Variants in FAM83D observed in about 807,000 individuals in gnomAD.
FAM83D encodes the protein scaffolding CK1 anchoring protein D.
A neutral mutation model predicts 25.4 loss-of-function variants in FAM83D; 26 were observed. That is an observed-to-expected ratio of 1.02 (90% CI 0.75 to 1.42). FAM83D has a LOEUF of 1.42. Among genes scored for constraint, FAM83D ranks in the 40% most tolerant of loss-of-function variants. FAM83D has a pLI of 0.00. For synonymous variants in FAM83D, 310 were observed against 318.5 expected, an observed-to-expected ratio of 0.97 and a Z score of 0.28; for missense variants, 740 against 758.1, an observed-to-expected ratio of 0.98 and a Z score of 0.28.
intron 1 of FAM83D, among the ~76,000 whole-genome samples, chr20:38,938,993 G>A (rs1294491818): frequency 6.6e-6 from 1 of 152,172 alleles, no homozygotes; most frequent in African/African-American, 2.4e-5. Flanking sequence ...CAGGCAATGT[G>A]GGGAAGATTG....
In FAM83D at chr20:38,941,916, G is replaced by A. The variant is rs777732945; in HGVS notation, c.484-43G>A. On this transcript the variant is annotated intron_variant, in intron 1 of 3. Transcript: ENST00000619850. ...TCCAGAGAGCGTGCTGTAAGGTGGT[G>A]TCCTATAAGCTTATCATGTGCTCTT... The A allele has an allele frequency of 2.3e-5, 37 of 1,605,390 alleles. No individual in the cohort carries two copies. The Admixed American group carries it at 2.3e-4, about 10-fold the overall frequency.
intron 1 of FAM83D, among the ~76,000 whole-genome samples, chr20:38,935,261 CT>C (rs1372274174): frequency 1.3e-5 from 2 of 152,170 alleles, no homozygotes; most frequent in African/African-American, 4.8e-5. Context: ...CCCCTACCCC[CT>C]AACTTCTTGG....
rs149393382 is a variant in FAM83D, at chr20:38,926,417, G to C, written c.-26G>C. 232 of 1,596,432 alleles carry C rather than the reference G, an allele frequency of 1.5e-4. 3 individuals carry two copies. The East Asian group carries it at 5.1e-3, about 35-fold the overall frequency. The stretch of plus-strand genomic sequence containing the variant: ...CGGGACTGCACGCCGGTTTTTGTCC[G>C]AGGGCTGTCGAGTCCGAGCGCCGCC... On this transcript the variant is annotated 5_prime_UTR_variant, in exon 1 of 4. Transcript: ENST00000619850.
Position 38,952,442 on chromosome 20 carries a change from T to G in FAM83D, c.1680T>G (p.Leu560=). The G allele has an allele frequency of 6.2e-7, 1 of 1,614,222 alleles. No individual in the cohort carries two copies. Among genetic ancestry groups the G allele is most frequent in the South Asian group, 1.1e-5 (1 of 91,082 alleles). ...SRRTLFTENH[L]GLHSGNFSRV... is the part of the protein sequence containing the mutation. ...GAACACTCTTTACTGAAAACCACCT[T>G]GGCCTTCATTCTGGCAATTTCAGCA... Residue 560 remains leucine, a synonymous_variant, in exon 4 of 4, where the codon CTT becomes CTG. Coordinates refer to ENST00000619850, the MANE Select transcript of FAM83D (RefSeq NM_030919.3).
intron 1 of FAM83D, among the ~76,000 whole-genome samples, chr20:38,941,717 G>T (rs750805509): frequency 4.6e-5 from 7 of 152,160 alleles, no homozygotes; most frequent in Non-Finnish European, 7.3e-5. Flanking sequence ...AAACCTCCCA[G>T]CATGGAGTTG....
chr20:38,940,650 C>A (rs1379182427), intron 1 of FAM83D, among the ~76,000 whole-genome samples: 2 of 152,150 alleles, frequency 1.3e-5, no homozygotes, highest in African/African-American at 4.8e-5. Context: ...TAGTTAACAC[C>A]CCCAACTTCT....
intron 1 of FAM83D, among the ~76,000 whole-genome samples, chr20:38,941,056 A>G (rs2085699877): frequency 6.6e-6 from 1 of 152,202 alleles, no homozygotes; most frequent in Admixed American, 6.5e-5. Flanking sequence ...CTAGGTGTGG[A>G]AAATCACTTG....
chr20:38,939,813 A>G (rs1321768042), intron 1 of FAM83D, among the ~76,000 whole-genome samples: 2 of 152,176 alleles, frequency 1.3e-5, no homozygotes, highest in East Asian at 1.9e-4. Context: ...TGGCTGCATA[A>G]TAGCACCTGT....
chr20:38,952,205 G>C lies in FAM83D; in HGVS notation c.1443G>C (p.Val481=), dbSNP rs1162988147. The C allele has an allele frequency of 4.3e-6, 7 of 1,614,150 alleles. No individual in the cohort carries two copies. The highest frequency in any genetic ancestry group is 5.9e-6 in the Non-Finnish European group (7 of 1,180,034). ...CCAGTTTGAAGTCTTCCTCCTCTGT[G>C]TCTTCCCAAGGCTCTGTGGCAAGCT... The part of the protein sequence containing the change: ...RSSSLKSSSS[V]SSQGSVASST... Residue 481 remains valine, a synonymous_variant, in exon 4 of 4, where the codon GTG becomes GTC. Coordinates refer to ENST00000619850, the MANE Select transcript of FAM83D (RefSeq NM_030919.3).
intron 2 of FAM83D, among the ~76,000 whole-genome samples, chr20:38,947,616 G>A (rs1236587504): frequency 6.6e-6 from 1 of 152,294 alleles, no homozygotes; most frequent in East Asian, 1.9e-4. Flanking sequence ...ATACACGCAT[G>A]AACTAAGGGT....
At chr20:38,933,428 T>C (rs1373159972) in intron 1 of FAM83D, among the ~76,000 whole-genome samples, 1 of 152,158 alleles carries the variant, frequency 6.6e-6, no homozygotes, top group Non-Finnish European at 1.5e-5. Context: ...TTTACCACAA[T>C]AAAAAAATGT....
At chr20:38,937,907 G>A (rs955300120) in intron 1 of FAM83D, among the ~76,000 whole-genome samples, 3 of 151,712 alleles carry the variant, frequency 2.0e-5, no homozygotes, top group Non-Finnish European at 2.9e-5. Context: ...GCAGTGAGCC[G>A]AGATCACACC....
intron 2 of FAM83D, among the ~76,000 whole-genome samples, chr20:38,944,283 A>C (rs552351943): frequency 6.6e-6 from 1 of 152,362 alleles, no homozygotes; most frequent in Non-Finnish European, 1.5e-5. Flanking sequence ...TGGTTGCCTC[A>C]TGATAAAGAC....
At chr20:38,929,446 G>A (rs2085650047) in intron 1 of FAM83D, among the ~76,000 whole-genome samples, 1 of 152,134 alleles carries the variant, frequency 6.6e-6, no homozygotes, top group Non-Finnish European at 1.5e-5. Context: ...GCCAGACCTA[G>A]GGTATGGGGG....
intron 1 of FAM83D, among the ~76,000 whole-genome samples, chr20:38,932,412 G>T (rs560375373): frequency 7.2e-5 from 11 of 152,126 alleles, no homozygotes; most frequent in Middle Eastern, 3.2e-3. Flanking sequence ...ACACAATTAC[G>T]TATAGCATGG....
intron 1 of FAM83D, among the ~76,000 whole-genome samples, chr20:38,930,474 TTTG>T (rs1471744311): frequency 2.0e-5 from 3 of 152,070 alleles, no homozygotes; most frequent in African/African-American, 7.2e-5. Flanking sequence ...GTGTTTTTTT[TTTG>T]TTGTTTGTTA....
In FAM83D at chr20:38,951,556, G is replaced by A. The variant is rs748109756; in HGVS notation, c.794G>A (p.Gly265Asp). 59 of 1,611,918 alleles carry A rather than the reference G, an allele frequency of 3.7e-5. 2 individuals carry two copies. The highest frequency in any genetic ancestry group is 4.4e-5 in the Non-Finnish European group (52 of 1,178,850). Residue 265 changes from glycine to aspartate, a missense_variant, in exon 4 of 4, where the codon GGC becomes GAC. Coordinates refer to ENST00000619850, the MANE Select transcript of FAM83D (RefSeq NM_030919.3). ...TGSYSFTWTD[G>D]KLNSSNLVIL... ...TCTTTAAGTTTTACATGGACGGATGGCAAATTAAACAGCAGTAACTTGGTA... is the reference window on the plus strand; with the variant it reads ...TCTTTAAGTTTTACATGGACGGATGACAAATTAAACAGCAGTAACTTGGTA...
rs1379926193 is a variant in FAM83D, at chr20:38,952,440, C to T, written c.1678C>T (p.Leu560Phe). ...GAGAACACTCTTTACTGAAAACCACCTTGGCCTTCATTCTGGCAATTTCAG... is the reference window on the plus strand; with the variant it reads ...GAGAACACTCTTTACTGAAAACCACTTTGGCCTTCATTCTGGCAATTTCAG... ...SRRTLFTENH[L>F]GLHSGNFSRV... The change falls in exon 4 of 4, where the codon CTT (leucine) becomes TTT (phenylalanine). Residue 560 changes from leucine to phenylalanine, a missense_variant. Coordinates refer to ENST00000619850, the MANE Select transcript of FAM83D (RefSeq NM_030919.3). 1.2e-6 allele frequency: 2 copies of T among 1,614,232 alleles called. No individual in the cohort carries two copies. The highest frequency in any genetic ancestry group is 1.7e-6 in the Non-Finnish European group (2 of 1,180,052).
At position 38,952,162 on chromosome 20, in the gene FAM83D, T is replaced by A. The variant is rs2085758591; in HGVS notation, c.1400T>A (p.Met467Lys). The A allele has an allele frequency of 1.2e-6, 2 of 1,614,050 alleles. No homozygotes were observed. The highest frequency in any genetic ancestry group is 2.7e-5 in the African/African-American group (2 of 74,930). ...ACAGAAGGGTCACCAGTCTCAAAAA[T>A]GTCTGTATCGAGATCTTCCAGTTTG... The part of the protein sequence containing the change: ...QSTEGSPVSK[M>K]SVSRSSSLKS... The change falls in exon 4 of 4, where the codon ATG becomes AAG. Residue 467 changes from methionine (M) to lysine (K), a missense_variant. Coordinates refer to ENST00000619850, the MANE Select transcript of FAM83D (RefSeq NM_030919.3).
Sources: allele counts gnomAD v4.1 joint callset (sites outside exome capture counted in the v4.1 genomes callset), GRCh38; gene constraint gnomAD v4.1.1; transcripts MANE v1.5; gene names NCBI Gene and HGNC (gene_info 2026-07-23, HGNC 2026-07-21).